EEA1: variants seen among roughly 807,000 people sequenced by gnomAD.
EEA1 encodes early endosome antigen 1, 162kD.
Under a neutral mutation model 209.2 loss-of-function variants are expected in EEA1, and 111 were observed. The ratio of observed to expected loss-of-function variants is 0.53; its 90% CI spans 0.45 to 0.62. The LOEUF (loss-of-function observed/expected upper bound fraction) is 0.62, where lower values mean the gene tolerates loss of function less well. EEA1 is among the 20% of genes least tolerant of loss of function. The probability of loss-of-function intolerance (pLI) is 0.00; values close to 1 mark genes in which losing one functional copy is unlikely to be tolerated. For synonymous variants in EEA1, 536 were observed against 540.6 expected (o/e 0.99, Z 0.12); for missense variants, 1,343 against 1,530.8 (o/e 0.88, Z 2.05).
intron 2 of EEA1, among the ~76,000 whole-genome samples, chr12:92,885,984 A>G (rs1293242697): frequency 1.3e-5 from 2 of 152,202 alleles, no homozygotes; most frequent in African/African-American, 4.8e-5. Flanking sequence ...CAAAATACAC[A>G]AGAGAAAAAG....
At chr12:92,824,766 A>G (rs1876216441) in intron 13 of EEA1, among the ~76,000 whole-genome samples, 1 of 152,066 alleles carries the variant, frequency 6.6e-6, no homozygotes, top group South Asian at 2.1e-4. Context: ...TCACCATTTA[A>G]CATGCTATAT....
chr12:92,925,359 C>T (rs1353925292), intron 1 of EEA1, among the ~76,000 whole-genome samples: 2 of 152,132 alleles, frequency 1.3e-5, no homozygotes, highest in Admixed American at 6.5e-5. Context: ...GGACTACAGG[C>T]GTGCACCACG....
At chr12:92,909,702 A>G (rs1264907102) in intron 1 of EEA1, among the ~76,000 whole-genome samples, 1 of 152,206 alleles carries the variant, frequency 6.6e-6, no homozygotes, top group Non-Finnish European at 1.5e-5. Flanking sequence ...ATCAGTTATC[A>G]TGGGAATGGC....
At chr12:92,854,099 C>T (rs1877757047) in intron 5 of EEA1, 145 bp from the exon 6 acceptor site, 2 of 564,902 alleles carry the variant, frequency 3.5e-6, no homozygotes, top group African/African-American at 2.0e-5. Flanking sequence ...TGGTGGTTTC[C>T]ATTCTTCCAG....
intron 21 of EEA1, among the ~76,000 whole-genome samples, chr12:92,798,594 G>C (rs533850223): frequency 1.3e-5 from 2 of 152,006 alleles, no homozygotes; most frequent in African/African-American, 2.4e-5. Context: ...GATTACAAGC[G>C]TGAGCCACTG....
chr12:92,775,904 G>T lies in EEA1; in HGVS notation c.*107C>A. On this transcript the variant is annotated 3_prime_UTR_variant, in exon 29 of 29. Transcript: ENST00000322349. ...AATATACTAATTCCTATTTGGTCTA[G>T]TATTGCAACCAGTGTCCAAACCAAA... 1.7e-6 allele frequency: 2 copies of T among 1,174,692 alleles called. No homozygotes were observed. Among genetic ancestry groups the T allele is most frequent in the Non-Finnish European group, 2.3e-6 (2 of 863,340 alleles). 72.8% of individuals were successfully genotyped at this position (1,174,692 alleles called of 1,614,324 possible).
intron 2 of EEA1, chr12:92,884,468 G>A: frequency 1.4e-6 from 2 of 1,476,252 alleles, no homozygotes; most frequent in East Asian, 2.3e-5. Context: ...CAGTGGGGAT[G>A]GCTATAATGG....
At chr12:92,871,032 A>G (rs1158884198) in intron 2 of EEA1, among the ~76,000 whole-genome samples, 2 of 152,134 alleles carry the variant, frequency 1.3e-5, no homozygotes, top group Non-Finnish European at 2.9e-5. Context: ...TCTAAGTAAG[A>G]GCAAAGTATT....
At chr12:92,922,373 C>A (rs1018546742) in intron 1 of EEA1, among the ~76,000 whole-genome samples, 5 of 152,206 alleles carry the variant, frequency 3.3e-5, no homozygotes, top group African/African-American at 1.2e-4. Flanking sequence ...CTTTCTCCAT[C>A]CCCAAAACTG....
At chr12:92,904,846 C>A (rs1346073102) in intron 1 of EEA1, among the ~76,000 whole-genome samples, 1 of 152,222 alleles carries the variant, frequency 6.6e-6, no homozygotes, top group African/African-American at 2.4e-5. Flanking sequence ...CCTCCCAGCA[C>A]ATGAATGCAT....
intron 1 of EEA1, among the ~76,000 whole-genome samples, chr12:92,894,419 G>A (rs1485286702): frequency 6.6e-6 from 1 of 152,160 alleles, no homozygotes; most frequent in Non-Finnish European, 1.5e-5. Flanking sequence ...CATGTGGAAA[G>A]CTGAAACAGA....
intron 5 of EEA1, among the ~76,000 whole-genome samples, chr12:92,855,255 C>T (rs1436807747): frequency 6.6e-6 from 1 of 152,264 alleles, no homozygotes; most frequent in South Asian, 2.1e-4. Flanking sequence ...TGGTGAAACC[C>T]CGTCTCTACT....
At chr12:92,921,876 A>G (rs1018794406) in intron 1 of EEA1, among the ~76,000 whole-genome samples, 2 of 150,350 alleles carry the variant, frequency 1.3e-5, no homozygotes, top group African/African-American at 2.4e-5. Flanking sequence ...CAAAAAAAAA[A>G]AAAAAAAAAA....
intron 9 of EEA1, among the ~76,000 whole-genome samples, chr12:92,843,229 C>A (rs969388835): frequency 6.6e-6 from 1 of 152,094 alleles, no homozygotes; most frequent in Non-Finnish European, 1.5e-5. Context: ...ACGATCACAG[C>A]TCACTGTAGC....
intron 15 of EEA1, among the ~76,000 whole-genome samples, chr12:92,814,111 G>A (rs1323062870): frequency 6.6e-6 from 1 of 151,880 alleles, no homozygotes; most frequent in East Asian, 1.9e-4. Context: ...AAAAATGGGG[G>A]GTGCATTCTT....
chr12:92,826,123 A>G (rs776856497), intron 13 of EEA1, 43 bp downstream of exon 13: 1 of 1,598,410 alleles, frequency 6.3e-7, no homozygotes, highest in South Asian at 1.1e-5. Context: ...TGTAATGGTA[A>G]TTAATTTGTG....
chr12:92,912,142 TA>T (rs751693671), intron 1 of EEA1, among the ~76,000 whole-genome samples: 15 of 152,230 alleles, frequency 9.9e-5, no homozygotes, highest in Non-Finnish European at 2.1e-4. Flanking sequence ...TGAATGTTCT[TA>T]CTCAAATAAG....
At chr12:92,888,897 C>A (rs1001320400) in intron 2 of EEA1, among the ~76,000 whole-genome samples, 1 of 152,000 alleles carries the variant, frequency 6.6e-6, no homozygotes, top group African/African-American at 2.4e-5. Flanking sequence ...CACCTATAAT[C>A]CCGGCACTTT....
chr12:92,840,159 C>A (rs567760056), intron 10 of EEA1, among the ~76,000 whole-genome samples: 175 of 152,062 alleles, frequency 1.2e-3, no homozygotes, highest in African/African-American at 4.1e-3. Flanking sequence ...TTATATTTCA[C>A]GAAAATGTTA....
Sources: allele counts gnomAD v4.1 joint callset (sites outside exome capture counted in the v4.1 genomes callset), GRCh38; gene constraint gnomAD v4.1.1; transcripts MANE v1.5; gene names NCBI Gene and HGNC (gene_info 2026-07-23, HGNC 2026-07-21).